DNER: variants seen among roughly 807,000 people sequenced by gnomAD.
The protein encoded by DNER is delta/notch like EGF repeat containing, also known as delta and Notch-like epidermal growth factor-related receptor.
DNER carries 33 observed loss-of-function variants against 78.2 expected under a neutral mutation model. The ratio of observed to expected loss-of-function variants is 0.42; its 90% confidence interval spans 0.32 to 0.56. The LOEUF is 0.56. Ranked by LOEUF, DNER falls within the 20% of genes least tolerant of loss-of-function variation. DNER has a pLI of 0.11. For missense variants in DNER, 918 were observed against 975.3 expected, an observed-to-expected ratio of 0.94 and a Z score of 0.78; for synonymous variants, 417 against 384.8, an observed-to-expected ratio of 1.08 and a Z score of -0.98.
chr2:229,401,714 T>C (rs1693270894), intron 10 of DNER, among the ~76,000 whole-genome samples: 1 of 152,116 alleles, frequency 6.6e-6, no homozygotes, highest in South Asian at 2.1e-4. Context: ...GTTATGAAAT[T>C]GTACTGTAGT....
intron 4 of DNER, among the ~76,000 whole-genome samples, chr2:229,562,496 C>A (rs562339908): frequency 6.6e-6 from 1 of 152,254 alleles, no homozygotes; most frequent in African/African-American, 2.4e-5. Context: ...TTTATGTATT[C>A]TGTATAGAGT....
At chr2:229,514,145 A>C (rs967883521) in intron 5 of DNER, among the ~76,000 whole-genome samples, 2 of 152,172 alleles carry the variant, frequency 1.3e-5, no homozygotes, top group African/African-American at 4.8e-5. Flanking sequence ...GCTATTGATA[A>C]TGAAATATCT....
chr2:229,600,231 A>G (rs1697802617), intron 1 of DNER, among the ~76,000 whole-genome samples: 1 of 152,204 alleles, frequency 6.6e-6, no homozygotes, highest in South Asian at 2.1e-4. Flanking sequence ...TTGGAATACA[A>G]CCACAGCCAC....
rs554793353 is a variant in DNER at position 229,444,175 on chromosome 2, G to A, written c.1486+3141C>T. Among the ~76,000 whole-genome samples, 25 of 152,282 alleles carry A rather than the reference G, an allele frequency of 1.6e-4. No homozygotes were observed. In the South Asian group the frequency reaches 2.1e-3, roughly 13 times the overall value. The stretch of plus-strand genomic sequence containing the variant: ...ATGAATGTTTTAGCAGAGAATAGAC[G>A]GAAGGAAAGTGGAAATTAAACAGGA... On this transcript the variant is annotated intron_variant, in intron 8 of 12. Coordinates refer to ENST00000341772, the MANE Select transcript of DNER (RefSeq NM_139072.4).
intron 11 of DNER, among the ~76,000 whole-genome samples, chr2:229,387,535 GAA>G (rs1378939915): frequency 7.1e-6 from 1 of 141,740 alleles, no homozygotes; most frequent in Non-Finnish European, 1.5e-5. Flanking sequence ...AAGAAAGAAA[GAA>G]AGAAAGAAAG....
intron 1 of DNER, among the ~76,000 whole-genome samples, chr2:229,629,727 G>T (rs922482885): frequency 6.6e-6 from 1 of 152,248 alleles, no homozygotes; most frequent in South Asian, 2.1e-4. Flanking sequence ...AAAAGTCTTC[G>T]CTGGGCATTC....
At chr2:229,457,013 C>T (rs1203514094) in intron 7 of DNER, among the ~76,000 whole-genome samples, 3 of 152,026 alleles carry the variant, frequency 2.0e-5, no homozygotes, top group Non-Finnish European at 2.9e-5. Context: ...AACAAAATGA[C>T]ATCTTTAAGG....
chr2:229,692,962 A>G (rs907546774), intron 1 of DNER, among the ~76,000 whole-genome samples: 12 of 152,068 alleles, frequency 7.9e-5, no homozygotes, highest in Admixed American at 3.3e-4. Flanking sequence ...TCCAATCTCA[A>G]TGCACTGCTA....
chr2:229,560,664 G>T (rs942747701), intron 4 of DNER, among the ~76,000 whole-genome samples: 1 of 152,110 alleles, frequency 6.6e-6, no homozygotes, highest in Non-Finnish European at 1.5e-5. Context: ...ATACTTGTGG[G>T]CTGGGAAACA....
intron 6 of DNER, among the ~76,000 whole-genome samples, chr2:229,484,555 G>A: frequency 6.6e-6 from 1 of 152,150 alleles, no homozygotes; most frequent in East Asian, 1.9e-4. Flanking sequence ...TGTTGTTCAG[G>A]AGCCCATATC....
chr2:229,588,151 C>T (rs1051356908), intron 3 of DNER, among the ~76,000 whole-genome samples: 5 of 152,140 alleles, frequency 3.3e-5, no homozygotes, highest in African/African-American at 4.8e-5. Context: ...GGTTTGTCAC[C>T]TCACACCAGA....
intron 10 of DNER, among the ~76,000 whole-genome samples, chr2:229,392,017 T>A (rs1693026462): frequency 6.6e-6 from 1 of 152,136 alleles, no homozygotes; most frequent in Non-Finnish European, 1.5e-5. Flanking sequence ...AGTAAATCCT[T>A]GGGTTAACAG....
At chr2:229,662,034 G>T (rs1699018118) in intron 1 of DNER, among the ~76,000 whole-genome samples, 1 of 152,138 alleles carries the variant, frequency 6.6e-6, no homozygotes, top group Non-Finnish European at 1.5e-5. Flanking sequence ...ATTTGGTTGA[G>T]CATCCTATAG....
chr2:229,589,881 T>A (rs1697568522), intron 2 of DNER, among the ~76,000 whole-genome samples: 1 of 147,966 alleles, frequency 6.8e-6, no homozygotes, highest in African/African-American at 2.5e-5. Flanking sequence ...GCAGTCTGAA[T>A]GTGGCCTTCA....
intron 4 of DNER, among the ~76,000 whole-genome samples, chr2:229,551,010 C>T (rs1007758956): frequency 6.6e-6 from 1 of 152,134 alleles, no homozygotes; most frequent in African/African-American, 2.4e-5. Context: ...TTGCACACTC[C>T]TAAAGCCTGT....
chr2:229,366,419 G>T (rs934624205), intron 12 of DNER, among the ~76,000 whole-genome samples: 1 of 152,158 alleles, frequency 6.6e-6, no homozygotes, highest in African/African-American at 2.4e-5. Flanking sequence ...CCTTCTTCCA[G>T]AAAAGGATAC....
intron 5 of DNER, among the ~76,000 whole-genome samples, chr2:229,520,548 C>T (rs1696074390): frequency 1.3e-5 from 2 of 152,210 alleles, no homozygotes; most frequent in African/African-American, 4.8e-5. Flanking sequence ...AACTAGGTGA[C>T]ACAGGCATGG....
At chr2:229,452,322 G>A (rs1694474093) in intron 7 of DNER, among the ~76,000 whole-genome samples, 1 of 152,102 alleles carries the variant, frequency 6.6e-6, no homozygotes, top group African/African-American at 2.4e-5. Flanking sequence ...GGGACCACTT[G>A]GACTGTAGAA....
intron 12 of DNER, among the ~76,000 whole-genome samples, chr2:229,364,255 G>A (rs1349994755): frequency 6.6e-6 from 1 of 151,906 alleles, no homozygotes; most frequent in Non-Finnish European, 1.5e-5. Flanking sequence ...CTGAGTTGGT[G>A]CCCTGGGATG....
Sources: gnomAD v4.1 joint callset for allele counts (sites outside exome capture counted in the v4.1 genomes callset) on GRCh38, gnomAD v4.1.1 for gene constraint, MANE v1.5 for transcripts, NCBI Gene and HGNC (gene_info 2026-07-23, HGNC 2026-07-21) for gene names.